Variants in ATG5 observed in about 807,000 individuals in gnomAD.
ATG5 encodes autophagy protein 5.
In ATG5, 14 loss-of-function variants were observed where a neutral mutation model predicts 36.5. The ratio of observed to expected loss-of-function variants is 0.38; its 90% CI spans 0.25 to 0.60. ATG5 has a LOEUF of 0.60. ATG5 is among the 20% of genes least tolerant of loss of function. The pLI is 0.60. For missense variants in ATG5, 195 were observed against 326.7 expected (o/e 0.60, Z 3.11); for synonymous variants, 95 against 101.5 (o/e 0.94, Z 0.38).
intron 6 of ATG5, among the ~76,000 whole-genome samples, chr6:106,226,540 A>G (rs888929705): frequency 1.4e-4 from 21 of 152,204 alleles, no homozygotes; most frequent in African/African-American, 4.8e-4. Flanking sequence ...AAGAACTAAA[A>G]AAAAGTTTAT....
chr6:106,278,190 T>C (rs1392297239), intron 5 of ATG5, among the ~76,000 whole-genome samples: 1 of 152,108 alleles, frequency 6.6e-6, no homozygotes, highest in Non-Finnish European at 1.5e-5. Context: ...ATCCTCCCAG[T>C]TGGGCCTCCT....
At chr6:106,252,882 A>G (rs1274557863) in intron 5 of ATG5, among the ~76,000 whole-genome samples, 1 of 152,234 alleles carries the variant, frequency 6.6e-6, no homozygotes, top group Admixed American at 6.5e-5. Context: ...CAGCACATAG[A>G]AGACAGACTG....
At chr6:106,306,379 T>C (rs568558889) in intron 3 of ATG5, among the ~76,000 whole-genome samples, 3 of 152,334 alleles carry the variant, frequency 2.0e-5, no homozygotes, top group South Asian at 2.1e-4. Flanking sequence ...ACAAGCTAAA[T>C]TGAGGTTTCC....
At chr6:106,315,585 A>T (rs755505776) in intron 2 of ATG5, among the ~76,000 whole-genome samples, 1 of 152,080 alleles carries the variant, frequency 6.6e-6, no homozygotes, top group Non-Finnish European at 1.5e-5. Flanking sequence ...CACATATAAC[A>T]TACAATAGCT....
chr6:106,206,396 A>G (rs1235636378), intron 6 of ATG5, among the ~76,000 whole-genome samples: 1 of 152,128 alleles, frequency 6.6e-6, no homozygotes, highest in Non-Finnish European at 1.5e-5. Context: ...TGTTGTTTAT[A>G]AATTACCCAG....
intron 6 of ATG5, among the ~76,000 whole-genome samples, chr6:106,209,653 T>TAC (rs1213070846): frequency 6.6e-6 from 1 of 152,078 alleles, no homozygotes; most frequent in African/African-American, 2.4e-5. Context: ...TAGAACTAAA[T>TAC]ACACACACAC....
At position 106,298,542 on chromosome 6, in the gene ATG5, C is replaced by T. The variant is rs1429091006; in HGVS notation, c.237-5436G>A. Reference sequence around the variant, plus strand: ...CTCCAGCCTGGGCGACAGAGGGAGACTCCATCTCCATAAAAAAAATAAATA... The same window carrying T: ...CTCCAGCCTGGGCGACAGAGGGAGATTCCATCTCCATAAAAAAAATAAATA... On this transcript the variant is annotated intron_variant, in intron 3 of 7. Coordinates refer to ENST00000369076, the MANE Select transcript of ATG5 (RefSeq NM_004849.4). Among the ~76,000 whole-genome samples, 3 of 150,620 alleles carry T rather than the reference C, an allele frequency of 2.0e-5. No homozygotes were observed. The Admixed American group carries it at 2.0e-4, about 10-fold the overall frequency.
intron 5 of ATG5, among the ~76,000 whole-genome samples, chr6:106,254,784 A>G (rs1367260269): frequency 2.0e-5 from 3 of 152,208 alleles, no homozygotes; most frequent in African/African-American, 7.2e-5. Context: ...CAGTATGGAA[A>G]AGTGGCCCTG....
intron 1 of ATG5, 108 bp from the exon 2 acceptor site, chr6:106,316,374 C>CAA (rs370558728): frequency 6.6e-4 from 204 of 309,944 alleles, no homozygotes; most frequent in East Asian, 1.4e-3. Context: ...TTATCCACTT[C>CAA]AAAAAAAAAA....
At chr6:106,217,628 T>C (rs1420013463) in intron 6 of ATG5, 2 of 152,196 alleles carry the variant, frequency 1.3e-5, no homozygotes, top group African/African-American at 2.4e-5. Flanking sequence ...AACGCCATAG[T>C]AAGGGAACTC....
chr6:106,202,987 TGAGA>T (rs984761030), intron 6 of ATG5, among the ~76,000 whole-genome samples: 9 of 151,942 alleles, frequency 5.9e-5, no homozygotes, highest in South Asian at 4.2e-4. Context: ...ATCTAATGGT[TGAGA>T]GAGAGACAGA....
intron 6 of ATG5, among the ~76,000 whole-genome samples, chr6:106,236,705 CCTCAAGTGAATAAA>C (rs1777917592): frequency 6.6e-6 from 1 of 152,078 alleles, no homozygotes; most frequent in South Asian, 2.1e-4. Context: ...AGCCTATTTC[CCTCAAGTGAATAAA>C]CTACAGTCTT....
At chr6:106,190,436 G>T in intron 7 of ATG5, among the ~76,000 whole-genome samples, 1 of 152,076 alleles carries the variant, frequency 6.6e-6, no homozygotes, top group South Asian at 2.1e-4. Context: ...GCTGCATTGG[G>T]GATTAAGCTT....
chr6:106,292,311 A>G (rs1249973899), intron 4 of ATG5, among the ~76,000 whole-genome samples: 1 of 152,232 alleles, frequency 6.6e-6, no homozygotes, highest in East Asian at 1.9e-4. Context: ...AATCACAAAA[A>G]CCAAATGGTG....
At chr6:106,283,116 A>G (rs933046180) in intron 4 of ATG5, among the ~76,000 whole-genome samples, 2 of 152,054 alleles carry the variant, frequency 1.3e-5, no homozygotes, top group Non-Finnish European at 2.9e-5. Context: ...TTGAATGTTG[A>G]ATCAATTTTG....
rs1401581463 is a variant in ATG5 at position 106,308,241 on chromosome 6, T to C, written c.236+123A>G. ...CTAGTAATAGTCTAAACTTCACATA[T>C]TGTATGAGCTAGACTAATGACTTCT... On this transcript the variant is annotated intron_variant, in intron 3 of 7. Coordinates refer to ENST00000369076, the MANE Select transcript of ATG5 (RefSeq NM_004849.4). 35 of 747,130 alleles carry C rather than the reference T, an allele frequency of 4.7e-5. 1 individual carries two copies. The Admixed American group carries it at 1.4e-3, about 30-fold the overall frequency. The allele number at this position is 747,130 out of a possible 1,614,324, so 46.3% of individuals were successfully genotyped here. A position where few individuals can be genotyped will look rare whatever the true frequency, so the allele number is the denominator to read the frequency against.
At chr6:106,320,121 G>A (rs954770948) in intron 1 of ATG5, among the ~76,000 whole-genome samples, 9 of 152,284 alleles carry the variant, frequency 5.9e-5, no homozygotes, top group Non-Finnish European at 2.9e-5. Context: ...AATAAATGGC[G>A]GAGCCAAAAT....
At chr6:106,247,291 T>C (rs1035678698) in intron 6 of ATG5, among the ~76,000 whole-genome samples, 4 of 152,236 alleles carry the variant, frequency 2.6e-5, no homozygotes, top group Non-Finnish European at 4.4e-5. Context: ...ATTAATAGTA[T>C]GTAACTTACT....
At position 106,186,157 on chromosome 6, in the gene ATG5, G is replaced by T. The variant is rs755829192; in HGVS notation, c.*383C>A. ...TAAACCAATGTTTCCACTTTCATGA[G>T]CTAAAGTTCAACCATGGTCACCTTA... On this transcript the variant is annotated 3_prime_UTR_variant, in exon 8 of 8. Transcript: ENST00000369076. The T allele has an allele frequency of 1.2e-4, 20 of 167,428 alleles. No homozygotes were observed. The highest frequency in any genetic ancestry group is 1.9e-4 in the Non-Finnish European group (15 of 78,054). 10.4% of individuals were successfully genotyped at this position (167,428 alleles called of 1,614,324 possible).
Sources: allele counts gnomAD v4.1 joint callset (sites outside exome capture counted in the v4.1 genomes callset), GRCh38; gene constraint gnomAD v4.1.1; transcripts MANE v1.5; gene names NCBI Gene and HGNC (gene_info 2026-07-23, HGNC 2026-07-21).